Variants in EXOC6B observed in about 807,000 individuals in gnomAD.
EXOC6B encodes the protein exocyst complex component 6B.
EXOC6B carries 54 observed loss-of-function variants against 113.5 expected under a neutral mutation model. The observed-to-expected ratio is 0.48, with a 90% CI of 0.38 to 0.60. The LOEUF is 0.60. EXOC6B is among the 20% of genes least tolerant of loss of function. EXOC6B has a pLI of 0.00. For missense variants in EXOC6B, 797 were observed against 977.5 expected, an observed-to-expected ratio of 0.82 and a Z score of 2.46; for synonymous variants, 357 against 339.0, an observed-to-expected ratio of 1.05 and a Z score of -0.58.
At chr2:72,246,274 T>C (rs140743730) in intron 20 of EXOC6B, among the ~76,000 whole-genome samples, 15 of 152,284 alleles carry the variant, frequency 9.9e-5, no homozygotes, top group Non-Finnish European at 1.9e-4. Flanking sequence ...GCTAGGTCCC[T>C]ATAAATTATG....
chr2:72,368,105 C>A (rs538496269), intron 19 of EXOC6B, among the ~76,000 whole-genome samples: 2 of 152,210 alleles, frequency 1.3e-5, no homozygotes, highest in East Asian at 1.9e-4. Flanking sequence ...CTCTGCCAAT[C>A]CCAGGCAGTG....
Position 72,623,676 on chromosome 2 carries a change from G to A in EXOC6B, c.670-48008C>T, listed in dbSNP as rs530614446. Among the ~76,000 whole-genome samples, 21 of 152,264 alleles carry A rather than the reference G, an allele frequency of 1.4e-4. No homozygotes were observed. The South Asian group carries it at 3.9e-3, about 29-fold the overall frequency. The stretch of plus-strand genomic sequence containing the variant: ...GTTTCAGTGCCCTGTCAATGACCCA[G>A]CTGACCAGCACCTTAATTAGACTCA... On this transcript the variant is annotated intron_variant, in intron 6 of 21. Transcript: ENST00000272427.
intron 11 of EXOC6B, among the ~76,000 whole-genome samples, chr2:72,510,934 A>T (rs2105656252): frequency 1.3e-5 from 2 of 152,196 alleles, no homozygotes; most frequent in Non-Finnish European, 2.9e-5. Flanking sequence ...CTAATTATAA[A>T]ATAGTTAAGC....
chr2:72,781,912 G>C (rs1180415122), intron 1 of EXOC6B, among the ~76,000 whole-genome samples: 1 of 152,080 alleles, frequency 6.6e-6, no homozygotes, highest in East Asian at 1.9e-4. Flanking sequence ...GCCGAGGTGG[G>C]AGGATCATTT....
chr2:72,267,947 A>G (rs6546754), intron 20 of EXOC6B, among the ~76,000 whole-genome samples: 31,946 of 152,146 alleles, frequency 0.21, 5,511 homozygotes, highest in African/African-American at 0.48. Context: ...ACTCATATAT[A>G]TGCACAAGGA....
chr2:72,482,067 T>G (rs1349274190), intron 16 of EXOC6B, among the ~76,000 whole-genome samples: 3 of 152,220 alleles, frequency 2.0e-5, no homozygotes, highest in Non-Finnish European at 4.4e-5. Flanking sequence ...TACTACGTCC[T>G]GTACCTTCCA....
chr2:72,247,218 G>C (rs1022090474), intron 20 of EXOC6B, among the ~76,000 whole-genome samples: 1 of 152,138 alleles, frequency 6.6e-6, no homozygotes, highest in African/African-American at 2.4e-5. Context: ...TGGATTATTT[G>C]ATCTATTTTA....
intron 18 of EXOC6B, among the ~76,000 whole-genome samples, chr2:72,408,475 G>T (rs1004683438): frequency 1.3e-5 from 2 of 152,122 alleles, no homozygotes; most frequent in African/African-American, 4.8e-5. Flanking sequence ...ATACTACAAG[G>T]CTACAGTAAC....
chr2:72,682,444 C>G lies in EXOC6B; in HGVS notation c.669+35659G>C, dbSNP rs145886968. Among the ~76,000 whole-genome samples the G allele has an allele frequency of 3.5e-4, 54 of 152,220 alleles. 1 individual carries two copies. The East Asian group carries it at 9.3e-3, about 26-fold the overall frequency. Reference sequence around the variant, plus strand: ...CAGTTTCCTTTTTTATATTCTCTACCTCCTTTTCTTCTTTTTACCTTTTTT... The same window carrying G: ...CAGTTTCCTTTTTTATATTCTCTACGTCCTTTTCTTCTTTTTACCTTTTTT... On this transcript the variant is annotated intron_variant, in intron 6 of 21. Coordinates refer to ENST00000272427, the MANE Select transcript of EXOC6B (RefSeq NM_015189.3).
chr2:72,279,605 T>A (rs903330020), intron 20 of EXOC6B, among the ~76,000 whole-genome samples: 2 of 152,128 alleles, frequency 1.3e-5, no homozygotes, highest in Non-Finnish European at 2.9e-5. Context: ...AAAGTGTAGA[T>A]AATTTTTCTT....
At chr2:72,451,237 C>T (rs919024846) in intron 18 of EXOC6B, among the ~76,000 whole-genome samples, 8 of 152,094 alleles carry the variant, frequency 5.3e-5, no homozygotes, top group African/African-American at 9.7e-5. Flanking sequence ...GAAAATTAGC[C>T]TTACAAAAGG....
At chr2:72,687,783 C>G (rs1488098876) in intron 6 of EXOC6B, among the ~76,000 whole-genome samples, 1 of 152,138 alleles carries the variant, frequency 6.6e-6, no homozygotes, top group Non-Finnish European at 1.5e-5. Flanking sequence ...GAGATTTATT[C>G]TTTATATACT....
At chr2:72,511,307 C>T (rs1001565011) in intron 11 of EXOC6B, among the ~76,000 whole-genome samples, 1 of 152,044 alleles carries the variant, frequency 6.6e-6, no homozygotes, top group African/African-American at 2.4e-5. Context: ...CATCATCTCC[C>T]CGCTCCAAAC....
intron 8 of EXOC6B, among the ~76,000 whole-genome samples, chr2:72,525,502 C>T (rs1395561796): frequency 6.6e-6 from 1 of 152,044 alleles, no homozygotes; most frequent in Non-Finnish European, 1.5e-5. Flanking sequence ...ACAACAACAA[C>T]AACAAAGGCA....
chr2:72,677,975 G>A (rs567932419), intron 6 of EXOC6B, among the ~76,000 whole-genome samples: 38 of 152,162 alleles, frequency 2.5e-4, no homozygotes, highest in African/African-American at 8.7e-4. Context: ...GACAATAGAG[G>A]ATTGCTAGAT....
chr2:72,702,877 G>T (rs1678536042), intron 6 of EXOC6B, among the ~76,000 whole-genome samples: 1 of 149,614 alleles, frequency 6.7e-6, no homozygotes, highest in East Asian at 2.0e-4. Context: ...TAGGTTGCCT[G>T]TTCACTCTGA....
intron 6 of EXOC6B, among the ~76,000 whole-genome samples, chr2:72,591,539 A>G (rs770616810): frequency 6.6e-6 from 1 of 152,208 alleles, no homozygotes; most frequent in Non-Finnish European, 1.5e-5. Flanking sequence ...GCTCAAGGCT[A>G]GAGACCCATT....
At chr2:72,313,577 T>C (rs1050028896) in intron 20 of EXOC6B, among the ~76,000 whole-genome samples, 7 of 151,652 alleles carry the variant, frequency 4.6e-5, no homozygotes, top group African/African-American at 1.5e-4. Flanking sequence ...AGAAAGAAAA[T>C]AGGAAAGAGA....
intron 8 of EXOC6B, among the ~76,000 whole-genome samples, chr2:72,544,773 T>C (rs1702805870): frequency 6.6e-6 from 1 of 152,134 alleles, no homozygotes; most frequent in Non-Finnish European, 1.5e-5. Context: ...TCAAATTGTA[T>C]CTCTGGCAAT....
Sources: allele counts gnomAD v4.1 joint callset (sites outside exome capture counted in the v4.1 genomes callset), GRCh38; gene constraint gnomAD v4.1.1; transcripts MANE v1.5; gene names NCBI Gene and HGNC (gene_info 2026-07-23, HGNC 2026-07-21).